The following RPS6KC1 variants were observed in gnomAD, a reference collection of about 807,000 sequenced individuals.
The protein encoded by RPS6KC1 is ribosomal protein S6 kinase C1.
In RPS6KC1, 54 loss-of-function variants were observed where a neutral mutation model predicts 103.8. The observed-to-expected ratio is 0.52, with a 90% CI of 0.42 to 0.65. The LOEUF (loss-of-function observed/expected upper bound fraction) is 0.65, where lower values mean the gene tolerates loss of function less well. RPS6KC1 is among the 30% of genes least tolerant of loss of function. RPS6KC1 has a pLI of 0.00. For synonymous variants in RPS6KC1, 439 were observed against 438.7 expected (o/e 1.00, Z -0.01); for missense variants, 1,151 against 1,253.8 (o/e 0.92, Z 1.24).
the RPS6KC1 span, among the ~76,000 whole-genome samples, chr1:213,395,304 T>G: frequency 2.6e-5 from 4 of 152,326 alleles, no homozygotes; most frequent in African/African-American, 9.6e-5. Context: ...ATCATGTTTG[T>G]AAAGAGTCTG....
the RPS6KC1 span, among the ~76,000 whole-genome samples, chr1:213,364,894 G>A: frequency 2.0e-5 from 3 of 152,100 alleles, no homozygotes; most frequent in African/African-American, 7.2e-5. Flanking sequence ...GGAGGCGGAG[G>A]TTGCAGTAAG....
At chr1:213,626,671 T>G in the RPS6KC1 span, among the ~76,000 whole-genome samples, 1 of 152,234 alleles carries the variant, frequency 6.6e-6, no homozygotes, top group East Asian at 1.9e-4. Flanking sequence ...CAGCATCATT[T>G]ATTAAATAGG....
intron 8 of RPS6KC1, among the ~76,000 whole-genome samples, chr1:213,216,681 A>G (rs2093672671): frequency 1.3e-5 from 2 of 152,386 alleles, no homozygotes; most frequent in African/African-American, 4.8e-5. Flanking sequence ...CTCTCAGACC[A>G]CAGTGCAATC....
the RPS6KC1 span, among the ~76,000 whole-genome samples, chr1:213,432,082 G>A: frequency 2.0e-5 from 3 of 152,158 alleles, no homozygotes; most frequent in Admixed American, 6.6e-5. Flanking sequence ...TTTGAGAAGT[G>A]CCAGTATAAG....
the RPS6KC1 span, among the ~76,000 whole-genome samples, chr1:213,572,140 G>A: frequency 6.6e-6 from 1 of 152,212 alleles, no homozygotes; most frequent in Admixed American, 6.5e-5. Flanking sequence ...CCAGAAGTGA[G>A]TTTCAAGGTG....
At chr1:213,397,497 G>T in the RPS6KC1 span, among the ~76,000 whole-genome samples, 1 of 151,626 alleles carries the variant, frequency 6.6e-6, no homozygotes, top group African/African-American at 2.4e-5. Context: ...CCACCAAGAA[G>T]AAGGATCTGT....
chr1:213,382,384 G>A, the RPS6KC1 span, among the ~76,000 whole-genome samples: 1 of 152,166 alleles, frequency 6.6e-6, no homozygotes, highest in African/African-American at 2.4e-5. Context: ...ATGGGCTTTG[G>A]GGAAGGTGTC....
At chr1:213,178,825 C>T (rs2092068578) in intron 8 of RPS6KC1, among the ~76,000 whole-genome samples, 1 of 151,936 alleles carries the variant, frequency 6.6e-6, no homozygotes, top group Non-Finnish European at 1.5e-5. Context: ...AACAATTCTT[C>T]TGTCTCAGCC....
At chr1:213,392,443 A>G in the RPS6KC1 span, among the ~76,000 whole-genome samples, 1 of 152,116 alleles carries the variant, frequency 6.6e-6, no homozygotes, top group African/African-American at 2.4e-5. Flanking sequence ...AGGGCTGGGG[A>G]TACTGCTGTA....
At chr1:213,221,951 G>C (rs946968780) in intron 8 of RPS6KC1, among the ~76,000 whole-genome samples, 6 of 152,152 alleles carry the variant, frequency 3.9e-5, no homozygotes, top group African/African-American at 1.4e-4. Context: ...ACCTTTGAAG[G>C]TATTTCTGGA....
intron 8 of RPS6KC1, among the ~76,000 whole-genome samples, chr1:213,206,506 C>G (rs1462494760): frequency 6.6e-6 from 1 of 152,096 alleles, no homozygotes; most frequent in African/African-American, 2.4e-5. Context: ...AGTTGTAAAG[C>G]AGCACAGAAG....
chr1:213,697,056 C>T, the RPS6KC1 span, among the ~76,000 whole-genome samples: 4 of 152,222 alleles, frequency 2.6e-5, no homozygotes, highest in African/African-American at 9.6e-5. Context: ...TTTGCTAAAG[C>T]ACCTCACAGA....
the RPS6KC1 span, among the ~76,000 whole-genome samples, chr1:213,595,427 G>T: frequency 3.3e-5 from 5 of 152,184 alleles, no homozygotes; most frequent in African/African-American, 1.2e-4. Flanking sequence ...CAGAGGAAAA[G>T]GTGATGAAAC....
At chr1:213,367,446 A>G in the RPS6KC1 span, among the ~76,000 whole-genome samples, 5 of 152,266 alleles carry the variant, frequency 3.3e-5, no homozygotes, top group African/African-American at 2.4e-5. Context: ...TTTCTTTTCA[A>G]TCTTTGGGTG....
the RPS6KC1 span, among the ~76,000 whole-genome samples, chr1:213,333,397 C>T: frequency 6.6e-6 from 1 of 152,108 alleles, no homozygotes; most frequent in Non-Finnish European, 1.5e-5. Flanking sequence ...ATAAGACTTA[C>T]CCATGTGGTG....
At chr1:213,137,795 ATATATT>A (rs1300165053) in intron 6 of RPS6KC1, among the ~76,000 whole-genome samples, 2 of 39,910 alleles carry the variant, frequency 5.0e-5, no homozygotes, top group African/African-American at 1.5e-4. Context: ...ATATATATAT[ATATATT>A]TTTTTTTTTT....
chr1:213,629,082 G>A, the RPS6KC1 span, among the ~76,000 whole-genome samples: 1 of 152,330 alleles, frequency 6.6e-6, no homozygotes, highest in African/African-American at 2.4e-5. Context: ...GGAGAGTTCT[G>A]TAGATGTCTA....
the RPS6KC1 span, among the ~76,000 whole-genome samples, chr1:213,532,436 T>C: frequency 2.0e-5 from 3 of 152,172 alleles, no homozygotes; most frequent in African/African-American, 7.2e-5. Flanking sequence ...CATCAGAATA[T>C]TGTGGCTTTG....
intron 8 of RPS6KC1, among the ~76,000 whole-genome samples, chr1:213,222,762 T>C (rs1001421900): frequency 6.6e-6 from 1 of 152,254 alleles, no homozygotes; most frequent in Non-Finnish European, 1.5e-5. Context: ...AAATGAGATT[T>C]ATTTTAGCAG....
Sources: allele counts gnomAD v4.1 joint callset (sites outside exome capture counted in the v4.1 genomes callset), GRCh38; gene constraint gnomAD v4.1.1; transcripts MANE v1.5; gene names NCBI Gene and HGNC (gene_info 2026-07-23, HGNC 2026-07-21).